RBM47: variants seen among roughly 807,000 people sequenced by gnomAD.
RBM47 encodes the protein RNA-binding protein 47.
RBM47 carries 21 observed loss-of-function variants against 47.1 expected under a neutral mutation model. That is an observed-to-expected ratio of 0.45 (90% CI 0.32 to 0.64). The LOEUF (loss-of-function observed/expected upper bound fraction) is 0.64, where lower values mean the gene tolerates loss of function less well. Ranked by LOEUF, RBM47 falls within the 30% of genes least tolerant of loss-of-function variation. The pLI, the probability that RBM47 is intolerant of heterozygous loss-of-function variation, is 0.05. For synonymous variants in RBM47, 375 were observed against 361.7 expected (o/e 1.04, Z -0.42); for missense variants, 708 against 870.9 (o/e 0.81, Z 2.35).
intron 1 of RBM47, among the ~76,000 whole-genome samples, chr4:40,610,881 A>T (rs553284314): frequency 6.6e-6 from 1 of 152,066 alleles, no homozygotes; most frequent in Non-Finnish European, 1.5e-5. Context: ...TGCTGCTGCC[A>T]TGTAAGAAGT....
chr4:40,475,190 GA>G (rs1296463897), intron 2 of RBM47, among the ~76,000 whole-genome samples: 1 of 152,144 alleles, frequency 6.6e-6, no homozygotes, highest in Non-Finnish European at 1.5e-5. Flanking sequence ...ACTTTACTCT[GA>G]GAGGAAATGT....
At position 40,425,323 on chromosome 4, in the gene RBM47, G is replaced by A. The variant is rs1177080289; in HGVS notation, c.*581C>T. ...AATAGTACCGCCATGATGATACATGGTAACACCATCAACCCTTAATGCCAG... is the reference window on the plus strand; with the variant it reads ...AATAGTACCGCCATGATGATACATGATAACACCATCAACCCTTAATGCCAG... On this transcript the variant is annotated 3_prime_UTR_variant, in exon 7 of 7. Coordinates refer to ENST00000295971, the MANE Select transcript of RBM47 (RefSeq NM_001098634.2). 6.5e-6 allele frequency: 1 copy of A among 152,712 alleles called. No individual in the cohort carries two copies. The highest frequency in any genetic ancestry group is 1.5e-5 in the Non-Finnish European group (1 of 68,152). The allele number at this position is 152,712 out of a possible 1,614,324, so 9.5% of individuals were successfully genotyped here.
At chr4:40,488,712 C>G (rs1185710147) in intron 2 of RBM47, among the ~76,000 whole-genome samples, 1 of 152,144 alleles carries the variant, frequency 6.6e-6, no homozygotes, top group African/African-American at 2.4e-5. Flanking sequence ...CTAATGGAAA[C>G]ACAACAACAA....
At chr4:40,433,644 T>C (rs1041512134) in intron 5 of RBM47, among the ~76,000 whole-genome samples, 1 of 152,124 alleles carries the variant, frequency 6.6e-6, no homozygotes, top group East Asian at 1.9e-4. Flanking sequence ...TTTTTTTCAC[T>C]TTCACCACTA....
At chr4:40,585,337 G>A (rs143951843) in intron 1 of RBM47, among the ~76,000 whole-genome samples, 303 of 152,292 alleles carry the variant, frequency 2.0e-3, no homozygotes, top group African/African-American at 7.0e-3. Context: ...AAGTTCCTTT[G>A]AGCCTAATTC....
chr4:40,536,716 TGTTTTTG>T (rs1728022206), intron 2 of RBM47, among the ~76,000 whole-genome samples: 1 of 142,116 alleles, frequency 7.0e-6, no homozygotes. Flanking sequence ...TGTGTGTGTG[TGTTTTTG>T]TTTTTTTTTT....
At chr4:40,436,241 T>C (rs1712382813) in intron 5 of RBM47, among the ~76,000 whole-genome samples, 200 bp downstream of exon 5, 1 of 151,114 alleles carries the variant, frequency 6.6e-6, no homozygotes, top group Non-Finnish European at 1.5e-5. Context: ...GATTTGAACA[T>C]AGTCAAAGCT....
At chr4:40,630,367 T>G (rs1385078220), upstream of RBM47, 2 of 152,370 alleles carry the variant, frequency 1.3e-5, no homozygotes, top group African/African-American at 4.8e-5. Context: ...GCTCCCCTTC[T>G]TCCCCCCATA....
chr4:40,623,845 T>C (rs1737487324), intron 1 of RBM47, among the ~76,000 whole-genome samples: 1 of 36,776 alleles, frequency 2.7e-5, no homozygotes, highest in South Asian at 6.2e-4. Context: ...ATAAACTTGT[T>C]TGTTTGTTTG....
chr4:40,474,892 G>A (rs969234361), intron 2 of RBM47, among the ~76,000 whole-genome samples: 1 of 152,122 alleles, frequency 6.6e-6, no homozygotes, highest in African/African-American at 2.4e-5. Context: ...AAGGGAGAAG[G>A]GTTAAGAGAG....
intron 2 of RBM47, among the ~76,000 whole-genome samples, chr4:40,517,927 G>A (rs567887544): frequency 6.6e-6 from 1 of 152,088 alleles, no homozygotes; most frequent in African/African-American, 2.4e-5. Flanking sequence ...TTTATATAGA[G>A]GACTCGAGCA....
rs1358079526 is a variant in RBM47 at position 40,436,518 on chromosome 4, T to G, written c.1253A>C (p.Gln418Pro). ...CACCAGTTCATATCCTTTTTCTTGC[T>G]GCTTTCCTTTCCCTTCATGATATCG... is the stretch of plus-strand genomic sequence containing the variant. ...YSRYHEGKGK[Q>P]QEKGYELVPN... Residue 418 changes from glutamine (Q) to proline (P), a missense_variant, in exon 5 of 7, where the codon CAG becomes CCG. Physicochemically the swap from Gln to Pro is moderately conservative, Grantham distance 76 (BLOSUM62 -1). Transcript: ENST00000295971. 1 of 1,614,226 alleles carries G rather than the reference T, an allele frequency of 6.2e-7. No individual in the cohort carries two copies. Among genetic ancestry groups the G allele is most frequent in the Admixed American group, 1.7e-5 (1 of 60,032 alleles).
chr4:40,479,983 T>C (rs947176748), intron 2 of RBM47, among the ~76,000 whole-genome samples: 3 of 150,162 alleles, frequency 2.0e-5, no homozygotes. Flanking sequence ...CCATTTTTTT[T>C]TTTTTTTTTT....
At chr4:40,590,591 T>C (rs1029322691) in intron 1 of RBM47, among the ~76,000 whole-genome samples, 1 of 152,228 alleles carries the variant, frequency 6.6e-6, no homozygotes, top group South Asian at 2.1e-4. Flanking sequence ...CTTTTAGCTT[T>C]GTTGTGGTTA....
chr4:40,547,578 C>G (rs554695875), intron 1 of RBM47, among the ~76,000 whole-genome samples: 2 of 152,306 alleles, frequency 1.3e-5, no homozygotes, highest in South Asian at 2.1e-4. Flanking sequence ...GCAGCCTAAA[C>G]AAAGAAATAC....
Position 40,467,009 on chromosome 4 carries a change from T to C in RBM47, c.-154-310A>G, listed in dbSNP as rs369610256. 4.3e-4 allele frequency among the ~76,000 whole-genome samples: 66 copies of C among 152,298 alleles called. No homozygotes were observed. In the East Asian group the frequency reaches 6.7e-3, roughly 16 times the overall value. On this transcript the variant is annotated intron_variant, in intron 2 of 6. Coordinates refer to ENST00000295971, the MANE Select transcript of RBM47 (RefSeq NM_001098634.2). Reference sequence around the variant, plus strand: ...CTTCAGAGTGTGCATGACTTCAAGATGCACATAATGTTTAAGAAGGAATAC... The same window carrying C: ...CTTCAGAGTGTGCATGACTTCAAGACGCACATAATGTTTAAGAAGGAATAC...
chr4:40,520,227 C>A (rs977857935), intron 2 of RBM47, among the ~76,000 whole-genome samples: 6 of 152,170 alleles, frequency 3.9e-5, no homozygotes, highest in Non-Finnish European at 7.3e-5. Context: ...TCATGCTGCT[C>A]AGAGACTAAA....
At chr4:40,471,800 C>T (rs1718915187) in intron 2 of RBM47, among the ~76,000 whole-genome samples, 1 of 152,170 alleles carries the variant, frequency 6.6e-6, no homozygotes, top group African/African-American at 2.4e-5. Context: ...GCTTGTAAGG[C>T]CTATAAAGAG....
At chr4:40,583,033 A>G (rs6817800) in intron 1 of RBM47, among the ~76,000 whole-genome samples, 90,153 of 152,110 alleles carry the variant, frequency 0.59, 27,488 homozygotes, top group African/African-American at 0.72. Flanking sequence ...AGTAAGTGGA[A>G]TGTGCGAAGT....
Sources: gnomAD v4.1 joint callset for allele counts (sites outside exome capture counted in the v4.1 genomes callset) on GRCh38, gnomAD v4.1.1 for gene constraint, MANE v1.5 for transcripts, NCBI Gene and HGNC (gene_info 2026-07-23, HGNC 2026-07-21) for gene names.